The following SDAD1 variants were observed in gnomAD, a reference collection of about 807,000 sequenced individuals.
The protein encoded by SDAD1 is SDA1 domain containing 1.
SDAD1 carries 79 observed loss-of-function variants against 100.3 expected under a neutral mutation model. That is an observed-to-expected ratio of 0.79 (90% CI 0.66 to 0.95). The LOEUF (loss-of-function observed/expected upper bound fraction) is 0.95, where lower values mean the gene tolerates loss of function less well. Ranked by LOEUF, SDAD1 falls within the 40% of genes least tolerant of loss-of-function variation. The pLI, the probability that SDAD1 is intolerant of heterozygous loss-of-function variation, is 0.00. For synonymous variants in SDAD1, 267 were observed against 271.4 expected (o/e 0.98, Z 0.16); for missense variants, 790 against 810.9 (o/e 0.97, Z 0.31).
intron 8 of SDAD1, 110 bp downstream of exon 8, chr4:75,973,207 C>A: frequency 3.7e-6 from 3 of 817,104 alleles, no homozygotes; most frequent in Non-Finnish European, 6.1e-6. Context: ...AATAACAGGG[C>A]AAAGGTGTCA....
intron 21 of SDAD1, among the ~76,000 whole-genome samples, chr4:75,952,143 T>C (rs1471595565): frequency 6.6e-6 from 1 of 152,236 alleles, no homozygotes; most frequent in East Asian, 1.9e-4. Flanking sequence ...GCTAAGGAGG[T>C]ATTTTCCAGA....
chr4:75,951,970 T>C (rs1728649939), intron 21 of SDAD1, among the ~76,000 whole-genome samples: 1 of 152,224 alleles, frequency 6.6e-6, no homozygotes, highest in South Asian at 2.1e-4. Context: ...AGAAGTTACC[T>C]GGCTCTACAT....
chr4:75,986,014 C>T (rs910927047), intron 1 of SDAD1, among the ~76,000 whole-genome samples: 3 of 152,198 alleles, frequency 2.0e-5, no homozygotes, highest in Non-Finnish European at 4.4e-5. Flanking sequence ...TATCATTATA[C>T]CCATTTGGTA....
intron 13 of SDAD1, among the ~76,000 whole-genome samples, chr4:75,964,803 T>C (rs1578124957): frequency 6.6e-6 from 1 of 152,298 alleles, no homozygotes; most frequent in African/African-American, 2.4e-5. Flanking sequence ...TCTCTGAACA[T>C]AAATTGTGAA....
chr4:75,969,253 C>A (rs1233394933), intron 11 of SDAD1, 43 bp downstream of exon 11: 11 of 1,486,482 alleles, frequency 7.4e-6, no homozygotes, highest in Non-Finnish European at 1.0e-5. Flanking sequence ...ATGGTAAATT[C>A]TACTTCAAAT....
chr4:75,978,567 C>T (rs751196918), intron 3 of SDAD1, among the ~76,000 whole-genome samples: 42 of 151,960 alleles, frequency 2.8e-4, no homozygotes, highest in Non-Finnish European at 1.5e-4. Context: ...TTTGTGTTAC[C>T]CTTCATTAGA....
chr4:75,964,781 T>C (rs1326679499), intron 13 of SDAD1, among the ~76,000 whole-genome samples: 1 of 152,188 alleles, frequency 6.6e-6, no homozygotes, highest in Admixed American at 6.5e-5. Context: ...CTTATGCCTG[T>C]CTTTGCTGCA....
At position 75,957,889 on chromosome 4, in the gene SDAD1, C is replaced by G. The variant is rs958737342; in HGVS notation, c.1536G>C (p.Trp512Cys). Residue 512 changes from tryptophan to cysteine, a missense_variant, in exon 18 of 22, where the codon TGG becomes TGC. By Grantham distance (215) the Trp-to-Cys change is radical. Coordinates refer to ENST00000356260, the MANE Select transcript of SDAD1 (RefSeq NM_018115.4). ...CATCGGAAGAGTGTTGCACATCAAT[C>G]CATTCACCATCAGCATCCTCCTCCT... ...LSEEEDADGE[W>C]IDVQHSSDEE... 3 of 1,613,486 alleles carry G rather than the reference C, an allele frequency of 1.9e-6. No homozygotes were observed. Among genetic ancestry groups the G allele is most frequent in the Middle Eastern group, 3.6e-4 (2 of 5,570 alleles).
At chr4:75,966,790 G>C (rs925251842) in intron 12 of SDAD1, among the ~76,000 whole-genome samples, 10 of 152,104 alleles carry the variant, frequency 6.6e-5, no homozygotes, top group African/African-American at 1.9e-4. Context: ...TTCTTTTTGA[G>C]ACAGAGTTTT....
intron 21 of SDAD1, among the ~76,000 whole-genome samples, 153 bp from the exon 22 acceptor site, chr4:75,950,950 T>C (rs1728599170): frequency 6.6e-6 from 1 of 152,130 alleles, no homozygotes; most frequent in East Asian, 1.9e-4. Flanking sequence ...AGATCACATC[T>C]GAATCGAGGA....
At chr4:75,983,438 A>G (rs543471881) in intron 1 of SDAD1, among the ~76,000 whole-genome samples, 44 of 152,316 alleles carry the variant, frequency 2.9e-4, no homozygotes, top group African/African-American at 1.1e-3. Context: ...ATTTCTCCAC[A>G]TCCTCTCCAG....
chr4:75,981,216 A>G (rs1169255515), intron 3 of SDAD1, among the ~76,000 whole-genome samples, 156 bp downstream of exon 3: 1 of 152,238 alleles, frequency 6.6e-6, no homozygotes, highest in African/African-American at 2.4e-5. Flanking sequence ...CTCTAAGTAT[A>G]AATGAGAAGC....
At chr4:75,981,564 A>T in intron 2 of SDAD1, 94 bp from the exon 3 acceptor site, 2 of 1,574,438 alleles carry the variant, frequency 1.3e-6, no homozygotes, top group Non-Finnish European at 1.7e-6. Flanking sequence ...CGAGAGTAAA[A>T]GGCTATGTTT....
Position 75,950,804 on chromosome 4 carries a change from G to A in SDAD1, c.2017-7C>T. 1 of 1,566,880 alleles carries A rather than the reference G, an allele frequency of 6.4e-7. No homozygotes were observed. The highest frequency in any genetic ancestry group is 8.7e-7 in the Non-Finnish European group (1 of 1,145,008). On this transcript the variant is annotated splice_polypyrimidine_tract_variant and splice_region_variant and intron_variant, in intron 21 of 21. Coordinates refer to ENST00000356260, the MANE Select transcript of SDAD1 (RefSeq NM_018115.4). ...GTGCATCTCGTAGTGCCAACTGTAAGATAAAAAAGTATTGAAACATGATAA... is the reference window on the plus strand; with the variant it reads ...GTGCATCTCGTAGTGCCAACTGTAAAATAAAAAAGTATTGAAACATGATAA...
At chr4:75,970,460 T>C (rs905039924) in intron 9 of SDAD1, 82 bp from the exon 10 acceptor site, 1 of 1,030,804 alleles carries the variant, frequency 9.7e-7, no homozygotes, top group African/African-American at 1.6e-5. Context: ...AAGGCTGTTA[T>C]AAGTCCATTA....
rs1729003547 is a variant in SDAD1 at position 75,957,959 on chromosome 4, A to G, written c.1484-18T>C. 1 of 1,595,094 alleles carries G rather than the reference A, an allele frequency of 6.3e-7. No homozygotes were observed. Among genetic ancestry groups the G allele is most frequent in the Non-Finnish European group, 8.6e-7 (1 of 1,164,364 alleles). The stretch of plus-strand genomic sequence containing the variant: ...CCATCCATCTGCGTGAAAAAAGCAA[A>G]CCCACTACTGCCATTTTATGTTGCA... On this transcript the variant is annotated intron_variant, in intron 17 of 21. Transcript: ENST00000356260.
chr4:75,955,049 G>C (rs1728815381), intron 21 of SDAD1, among the ~76,000 whole-genome samples: 1 of 152,164 alleles, frequency 6.6e-6, no homozygotes, highest in Non-Finnish European at 1.5e-5. Context: ...TGCTGCAACT[G>C]TTACTGCTGA....
chr4:75,964,247 A>T, intron 13 of SDAD1, 36 bp from the exon 14 acceptor site: 1 of 1,346,528 alleles, frequency 7.4e-7, no homozygotes, highest in East Asian at 2.4e-5. Context: ...GGTGCTGATT[A>T]AATGTCTGCA....
chr4:75,961,163 G>T, intron 15 of SDAD1, 48 bp downstream of exon 15: 1 of 1,600,420 alleles, frequency 6.2e-7, no homozygotes, highest in Non-Finnish European at 8.6e-7. Flanking sequence ...GAGGTAAAAA[G>T]GAGTCACACT....
Sources: gnomAD v4.1 joint callset for allele counts (sites outside exome capture counted in the v4.1 genomes callset) on GRCh38, gnomAD v4.1.1 for gene constraint, MANE v1.5 for transcripts, NCBI Gene and HGNC (gene_info 2026-07-23, HGNC 2026-07-21) for gene names.